The following NRIP3 variants were observed in gnomAD, a reference collection of about 807,000 sequenced individuals.
NRIP3 encodes the protein nuclear receptor interacting protein 3.
In NRIP3, 31 loss-of-function variants were observed where a neutral mutation model predicts 29.0. The ratio of observed to expected loss-of-function variants is 1.07; its 90% confidence interval spans 0.80 to 1.44. The LOEUF is 1.44. Among genes scored for constraint, NRIP3 ranks in the 40% most tolerant of loss-of-function variants. The pLI is 0.00. For missense variants in NRIP3, 314 were observed against 297.9 expected (o/e 1.05, Z -0.40); for synonymous variants, 131 against 118.3 (o/e 1.11, Z -0.70).
intron 1 of NRIP3, 29 bp downstream of exon 1, chr11:9,003,733 C>T: frequency 7.2e-7 from 1 of 1,384,276 alleles, no homozygotes; most frequent in Non-Finnish European, 9.4e-7. Context: ...GCCGCCGGGG[C>T]CGGGGCGAGA....
chr11:9,000,545 G>T (rs2134931056), intron 1 of NRIP3, among the ~76,000 whole-genome samples: 1 of 152,308 alleles, frequency 6.6e-6, no homozygotes, highest in East Asian at 1.9e-4. Context: ...ATGTAGGAAA[G>T]AAAAACTCTA....
chr11:9,004,107 CG>C, upstream of NRIP3: 1 of 505,530 alleles, frequency 2.0e-6, no homozygotes, highest in East Asian at 3.6e-5. Context: ...ACGCCCCGCG[CG>C]GCTCCCTCGC....
chr11:8,983,636 G>C, intron 6 of NRIP3, 76 bp from the exon 7 acceptor site: 1 of 1,384,844 alleles, frequency 7.2e-7, no homozygotes, highest in Non-Finnish European at 1.0e-6. Flanking sequence ...GTAAAATTTT[G>C]CTTTCAAAGC....
chr11:8,987,712 A>C, intron 2 of NRIP3, 82 bp from the exon 3 acceptor site: 1 of 1,043,660 alleles, frequency 9.6e-7, no homozygotes, highest in Non-Finnish European at 1.5e-6. Flanking sequence ...AGCAGATGTC[A>C]TATGAAAGGC....
chr11:8,985,771 T>C lies in NRIP3; in HGVS notation c.502A>G (p.Ile168Val). ...CCCAGTGTGATCACTAGGTGCTCAA[T>C]CTGGCCCACTACTTTGAGATGCCGG... ...LPRHLKVVGQ[I>V]EHLVITLGSL... Residue 168 changes from isoleucine to valine, a missense_variant, in exon 4 of 7, where the codon ATT becomes GTT. Transcript: ENST00000309166. The C allele has an allele frequency of 1.9e-6, 3 of 1,614,150 alleles. No homozygotes were observed. The Admixed American group carries it at 5.0e-5, about 27-fold the overall frequency.
At position 9,003,707 on chromosome 11, in the gene NRIP3, A is replaced by G. The variant is rs1299490910; in HGVS notation, c.174+55T>C. 5.9e-6 allele frequency: 8 copies of G among 1,353,348 alleles called. No individual in the cohort carries two copies. In the East Asian group the frequency reaches 2.5e-4, roughly 42 times the overall value. 83.8% of individuals were successfully genotyped at this position (1,353,348 alleles called of 1,614,324 possible). ...AAAGCCGCAACGGCCGGGCCTCGGA[A>G]AACGGCGGGCGCGAAGCCGCCGGGG... On this transcript the variant is annotated intron_variant, in intron 1 of 6. Coordinates refer to ENST00000309166, the MANE Select transcript of NRIP3 (RefSeq NM_020645.3).
At chr11:8,987,677 G>C in intron 2 of NRIP3, 47 bp from the exon 3 acceptor site, 1 of 1,443,934 alleles carries the variant, frequency 6.9e-7, no homozygotes, top group Non-Finnish European at 9.8e-7. Flanking sequence ...AGAAGCGAAA[G>C]GGAAAGGAGA....
chr11:8,992,090 G>A (rs1854611968), intron 1 of NRIP3, among the ~76,000 whole-genome samples: 1 of 152,180 alleles, frequency 6.6e-6, no homozygotes, highest in Admixed American at 6.5e-5. Context: ...TTTTGTTTGA[G>A]CTGTTATATA....
chr11:8,991,073 G>A (rs1042091316), intron 1 of NRIP3, among the ~76,000 whole-genome samples: 4 of 152,104 alleles, frequency 2.6e-5, no homozygotes, highest in Non-Finnish European at 4.4e-5. Flanking sequence ...AGGCCAAGGC[G>A]GGTGGATCAC....
At chr11:8,984,548 C>T (rs1178703780) in intron 4 of NRIP3, among the ~76,000 whole-genome samples, 2 of 152,228 alleles carry the variant, frequency 1.3e-5, no homozygotes, top group Non-Finnish European at 2.9e-5. Context: ...CAGGCATGAG[C>T]CACCGCGCCT....
At chr11:9,002,596 T>TAAAAAAAAAAAAAAAAAAAAAAAA (rs10701323) in intron 1 of NRIP3, among the ~76,000 whole-genome samples, 1 of 101,244 alleles carries the variant, frequency 9.9e-6, no homozygotes, top group Non-Finnish European at 1.8e-5. Context: ...GCTGTTAAAT[T>TAAAAAAAAAAAAAAAAAAAAAAAA]AAAAAAAAAA....
chr11:8,997,375 A>AAAAG (rs1555231802), intron 1 of NRIP3, among the ~76,000 whole-genome samples: 2,816 of 131,002 alleles, frequency 0.021, 95 homozygotes, highest in Non-Finnish European at 0.034. Context: ...AAAAAAAAAA[A>AAAAG]AAAGAAAGAA....
At chr11:8,995,887 ATTTC>A (rs1277352964) in intron 1 of NRIP3, among the ~76,000 whole-genome samples, 3 of 152,132 alleles carry the variant, frequency 2.0e-5, no homozygotes, top group African/African-American at 7.2e-5. Context: ...CTTGCTCAAA[ATTTC>A]TTTCCCATTC....
chr11:8,987,405 G>T, intron 3 of NRIP3, 143 bp downstream of exon 3: 1 of 685,066 alleles, frequency 1.5e-6, no homozygotes, highest in Non-Finnish European at 2.7e-6. Context: ...CTCTACTAAG[G>T]ATTCTGGTTC....
chr11:9,004,012 C>T (rs1422673468), upstream of NRIP3: 4 of 1,323,988 alleles, frequency 3.0e-6, no homozygotes, highest in Non-Finnish European at 3.9e-6. Flanking sequence ...GCCGCAAGGG[C>T]CCCGAGCCGC....
intron 1 of NRIP3, among the ~76,000 whole-genome samples, chr11:9,002,944 G>A (rs1854834512): frequency 6.6e-6 from 1 of 152,152 alleles, no homozygotes; most frequent in African/African-American, 2.4e-5. Context: ...CTTTATATTG[G>A]TAACCCTTAG....
At position 8,985,923 on chromosome 11, in the gene NRIP3, T is replaced by A; in HGVS notation, c.423-73A>T. On this transcript the variant is annotated intron_variant, in intron 3 of 6. Transcript: ENST00000309166. Reference sequence around the variant, plus strand: ...GTAGAATCCTGCAATGCCTACCTTCTGACCTACAATTGGAATTCTCCAGGG... The same window carrying A: ...GTAGAATCCTGCAATGCCTACCTTCAGACCTACAATTGGAATTCTCCAGGG... The A allele has an allele frequency of 2.0e-6, 3 of 1,528,708 alleles. 1 individual carries two copies. The South Asian group carries it at 3.5e-5, about 18-fold the overall frequency. 94.7% of individuals were successfully genotyped at this position (1,528,708 alleles called of 1,614,324 possible). A position where few individuals can be genotyped will look rare whatever the true frequency, so the allele number is the denominator to read the frequency against.
Position 9,003,946 on chromosome 11 carries a change from C to T in NRIP3, c.-11G>A. ...CCCTGAGTAAAACATCGCTGAGGCG[C>T]CGGCGGCCCGGTAGCCCACAGCCCC... On this transcript the variant is annotated 5_prime_UTR_variant, in exon 1 of 7. Transcript: ENST00000309166. The T allele has an allele frequency of 1.4e-6, 2 of 1,480,914 alleles. No homozygotes were observed. Among genetic ancestry groups the T allele is most frequent in the Non-Finnish European group, 1.8e-6 (2 of 1,111,886 alleles). The allele number at this position is 1,480,914 out of a possible 1,614,324, so 91.7% of individuals were successfully genotyped here.
chr11:8,992,956 A>G (rs1854634203), intron 1 of NRIP3, among the ~76,000 whole-genome samples: 1 of 152,218 alleles, frequency 6.6e-6, no homozygotes. Flanking sequence ...AAACCTAGTC[A>G]AACTATCAAT....
Sources: gnomAD v4.1 joint callset for allele counts (sites outside exome capture counted in the v4.1 genomes callset) on GRCh38, gnomAD v4.1.1 for gene constraint, MANE v1.5 for transcripts, NCBI Gene and HGNC (gene_info 2026-07-23, HGNC 2026-07-21) for gene names.